The following SH2D3A variants were observed in gnomAD, a reference collection of about 807,000 sequenced individuals.
The protein encoded by SH2D3A is SH2 domain-containing protein 3A.
In SH2D3A, 46 loss-of-function variants were observed where a neutral mutation model predicts 50.6. That is an observed-to-expected ratio of 0.91 (90% confidence interval 0.72 to 1.16). The LOEUF is 1.16. Among genes scored for constraint, SH2D3A ranks in the 50% most tolerant of loss-of-function variants. SH2D3A has a pLI of 0.00. For synonymous variants in SH2D3A, 377 were observed against 348.4 expected (o/e 1.08, Z -0.91); for missense variants, 783 against 786.2 (o/e 1.00, Z 0.05).
chr19:6,754,323 C>T lies in SH2D3A; in HGVS notation c.1200G>A (p.Leu400=). 6.4e-7 allele frequency: 1 copy of T among 1,572,050 alleles called. No individual in the cohort carries two copies. The highest frequency in any genetic ancestry group is 1.1e-5 in the South Asian group (1 of 88,102). The change falls in exon 7 of 10, where the codon CTG becomes CTA. Residue 400 remains leucine, a synonymous_variant. Coordinates refer to ENST00000245908, the MANE Select transcript of SH2D3A (RefSeq NM_005490.3). Reference sequence around the variant, plus strand: ...CCCCCGCCGCCCCTGGCCGCAGCGCCAGCGCCAGCTCTACCAGTCCCCTCA... The same window carrying T: ...CCCCCGCCGCCCCTGGCCGCAGCGCTAGCGCCAGCTCTACCAGTCCCCTCA... ...AALRGLVELA[L]ALRPGAAGDL... is the part of the protein sequence containing the mutation.
intron 2 of SH2D3A, 56 bp from the exon 3 acceptor site, chr19:6,761,043 A>T: frequency 3.7e-5 from 50 of 1,364,836 alleles, no homozygotes; most frequent in Non-Finnish European, 4.9e-5. Flanking sequence ...GGCAGTGGTT[A>T]ATGGTAGCTC....
rs369300186 is a variant in SH2D3A at position 6,753,432 on chromosome 19, G to T, written c.1570+24C>A. The T allele has an allele frequency of 2.1e-4, 304 of 1,476,142 alleles. No individual in the cohort carries two copies. The African/African-American group carries it at 3.7e-3, about 18-fold the overall frequency. The allele number at this position is 1,476,142 out of a possible 1,614,324, so 91.4% of individuals were successfully genotyped here. A position where few individuals can be genotyped will look rare whatever the true frequency, so the allele number is the denominator to read the frequency against. On this transcript the variant is annotated intron_variant, in intron 9 of 9. Transcript: ENST00000245908. ...CCTGCAGGGTGCTCTGAAGTCTGCA[G>T]TCCAGCGCAGAGGGAACGCTCACCT...
chr19:6,764,872 ATTTTT>A (rs55670461), intron 1 of SH2D3A, among the ~76,000 whole-genome samples: 10 of 103,126 alleles, frequency 9.7e-5, no homozygotes, highest in Non-Finnish European at 1.5e-4. Context: ...TACCTGGCTA[ATTTTT>A]TTTTTTTTTT....
At position 6,754,857 on chromosome 19, in the gene SH2D3A, G is replaced by A. The variant is rs1357879899; in HGVS notation, c.955C>T (p.Leu319Phe). 3 of 1,599,322 alleles carry A rather than the reference G, an allele frequency of 1.9e-6. No homozygotes were observed. The highest frequency in any genetic ancestry group is 4.5e-5 in the East Asian group (2 of 44,728). ...TGGCAGTCTACCAATAGCAGGTGAAGGGCGGTGCTCCCAGGATGGTGCTCC... is the reference window on the plus strand; with the variant it reads ...TGGCAGTCTACCAATAGCAGGTGAAAGGCGGTGCTCCCAGGATGGTGCTCC... The part of the protein sequence containing the change: ...FLEHHPGSTA[L>F]HLLLVDCQAT... Residue 319 changes from leucine to phenylalanine, a missense_variant, in exon 5 of 10, where the codon CTT becomes TTT. Physicochemically the swap from Leu to Phe is conservative, Grantham distance 22. Transcript: ENST00000245908.
Position 6,752,767 on chromosome 19 carries a change from C to G in SH2D3A, c.1571-14G>C. On this transcript the variant is annotated splice_polypyrimidine_tract_variant and intron_variant, in intron 9 of 9. Coordinates refer to ENST00000245908, the MANE Select transcript of SH2D3A (RefSeq NM_005490.3). ...TAGGCCGGAATCCTGGAAGCAAGGT[C>G]AGGTGGGCTGGGGGCGGGGCCCAGG... 6.6e-7 allele frequency: 1 copy of G among 1,519,422 alleles called. No homozygotes were observed. Among genetic ancestry groups the G allele is most frequent in the Non-Finnish European group, 8.9e-7 (1 of 1,126,424 alleles). 94.1% of individuals were successfully genotyped at this position (1,519,422 alleles called of 1,614,324 possible). A position where few individuals can be genotyped will look rare whatever the true frequency, so the allele number is the denominator to read the frequency against.
chr19:6,752,896 G>A lies in SH2D3A; in HGVS notation c.1571-143C>T. On this transcript the variant is annotated intron_variant, in intron 9 of 9. Transcript: ENST00000245908. ...CCTGCCCCACCTGCGGGATGACTAG[G>A]CGGGGTCAGAGGGGAGGGGGCTTCC... 3.5e-6 allele frequency: 5 copies of A among 1,408,736 alleles called. 1 individual carries two copies. In the East Asian group the frequency reaches 7.7e-5, roughly 22 times the overall value. The allele number at this position is 1,408,736 out of a possible 1,614,324, so 87.3% of individuals were successfully genotyped here.
chr19:6,760,764 C>G lies in SH2D3A; in HGVS notation c.293G>C (p.Gly98Ala). ...IPALVHSYMT[G>A]RRPLSQATGA... Reference sequence around the variant, plus strand: ...TGTGGCCTGGGACAGTGGGCGCCTGCCTGTCATATAACTGTGAACCAGAGC... The same window carrying G: ...TGTGGCCTGGGACAGTGGGCGCCTGGCTGTCATATAACTGTGAACCAGAGC... The change falls in exon 3 of 10, where the codon GGC (glycine) becomes GCC (alanine). Residue 98 changes from glycine (G) to alanine (A), a missense_variant. Physicochemically the swap from Gly to Ala is moderately conservative, Grantham distance 60. Coordinates refer to ENST00000245908, the MANE Select transcript of SH2D3A (RefSeq NM_005490.3). The G allele has an allele frequency of 1.2e-6, 2 of 1,614,250 alleles. No individual in the cohort carries two copies. Among genetic ancestry groups the G allele is most frequent in the Non-Finnish European group, 1.7e-6 (2 of 1,180,032 alleles).
rs779580562 is a variant in SH2D3A, at chr19:6,752,740, G to A, written c.1584C>T (p.Asn528=). 4 of 1,543,822 alleles carry A rather than the reference G, an allele frequency of 2.6e-6. No individual in the cohort carries two copies. Among genetic ancestry groups the A allele is most frequent in the Non-Finnish European group, 2.6e-6 (3 of 1,141,948 alleles). The change falls in exon 10 of 10, where the codon AAC becomes AAT. Residue 528 remains asparagine (N), a synonymous_variant. Coordinates refer to ENST00000245908, the MANE Select transcript of SH2D3A (RefSeq NM_005490.3). ...AAQRLRGFRP[N]PELREALTTG... ...TGGTCAGGGCCTCCCTCAGCTCCGG[G>A]TTAGGCCGGAATCCTGGAAGCAAGG... is the stretch of plus-strand genomic sequence containing the variant.
intron 4 of SH2D3A, among the ~76,000 whole-genome samples, chr19:6,756,599 A>G (rs186750561): frequency 1.2e-3 from 175 of 152,170 alleles, no homozygotes; most frequent in Middle Eastern, 3.4e-3. Flanking sequence ...AGTTGGTGGC[A>G]TGTTGATCTC....
At position 6,762,476 on chromosome 19, in the gene SH2D3A, T is replaced by G. The variant is rs183832303; in HGVS notation, c.69+1204A>C. ...CTAGGATTACAGGCATGAGTCACCATGCCCGGCCCATTTTTTTCTTCCGGC... is the reference window on the plus strand; with the variant it reads ...CTAGGATTACAGGCATGAGTCACCAGGCCCGGCCCATTTTTTTCTTCCGGC... On this transcript the variant is annotated intron_variant, in intron 2 of 9. Transcript: ENST00000245908. Among the ~76,000 whole-genome samples the G allele has an allele frequency of 2.0e-5, 3 of 150,652 alleles. No individual in the cohort carries two copies. In the East Asian group the frequency reaches 5.9e-4, roughly 30 times the overall value.
Position 6,752,814 on chromosome 19 carries a change from C to T in SH2D3A, c.1571-61G>A, listed in dbSNP as rs1969394263. 15 of 1,447,588 alleles carry T rather than the reference C, an allele frequency of 1.0e-5. No individual in the cohort carries two copies. The South Asian group carries it at 2.1e-4, about 20-fold the overall frequency. 89.7% of individuals were successfully genotyped at this position (1,447,588 alleles called of 1,614,324 possible). Reference sequence around the variant, plus strand: ...CAGGCGCCCGCCTCGCCCCTCCCAACCTCCCGGCACCTTCCTTTCCCCAGA... The same window carrying T: ...CAGGCGCCCGCCTCGCCCCTCCCAATCTCCCGGCACCTTCCTTTCCCCAGA... On this transcript the variant is annotated intron_variant, in intron 9 of 9. Coordinates refer to ENST00000245908, the MANE Select transcript of SH2D3A (RefSeq NM_005490.3).
At chr19:6,759,520 C>G (rs1248783057) in intron 4 of SH2D3A, 74 bp downstream of exon 4, 1 of 1,389,080 alleles carries the variant, frequency 7.2e-7, no homozygotes, top group Non-Finnish European at 1.0e-6. Flanking sequence ...GGTGCCTGCA[C>G]CTGACCAAGA....
Position 6,752,573 on chromosome 19 carries a change from G to T in SH2D3A, c.*20C>A. 6.6e-7 allele frequency: 1 copy of T among 1,519,880 alleles called. No homozygotes were observed. The highest frequency in any genetic ancestry group is 8.9e-7 in the Non-Finnish European group (1 of 1,129,792). The allele number at this position is 1,519,880 out of a possible 1,614,324, so 94.1% of individuals were successfully genotyped here. On this transcript the variant is annotated 3_prime_UTR_variant, in exon 10 of 10. Coordinates refer to ENST00000245908, the MANE Select transcript of SH2D3A (RefSeq NM_005490.3). ...GCAAAAACCTGGGGGTCCCGGGTGT[G>T]AAGAAGGGTGTCTGCGCTCTCAGCG...
intron 4 of SH2D3A, among the ~76,000 whole-genome samples, chr19:6,756,471 A>G (rs2145588333): frequency 6.6e-6 from 1 of 151,462 alleles, no homozygotes; most frequent in East Asian, 1.9e-4. Flanking sequence ...AAAAAAAAAG[A>G]TACATGTGCA....
chr19:6,755,691 A>G (rs542901930), intron 4 of SH2D3A, among the ~76,000 whole-genome samples: 3 of 151,956 alleles, frequency 2.0e-5, no homozygotes, highest in East Asian at 1.9e-4. Flanking sequence ...GCCTGACCCT[A>G]TGAATTCTGA....
intron 9 of SH2D3A, 85 bp from the exon 10 acceptor site, chr19:6,752,838 G>A (rs1005512310): frequency 2.4e-5 from 34 of 1,435,558 alleles, no homozygotes; most frequent in South Asian, 1.0e-4. Flanking sequence ...CCTTTCCCCA[G>A]AGGACTTTGA....
intron 1 of SH2D3A, chr19:6,764,486 A>G (rs1970197685): frequency 6.6e-6 from 1 of 152,188 alleles, no homozygotes; most frequent in Non-Finnish European, 1.5e-5. Flanking sequence ...GAATTCACTG[A>G]ACCCCTATTT....
At chr19:6,753,318 G>A in intron 9 of SH2D3A, 138 bp downstream of exon 9, 1 of 1,398,858 alleles carries the variant, frequency 7.1e-7, no homozygotes, top group Non-Finnish European at 9.3e-7. Flanking sequence ...TTCCTGGAGT[G>A]GAGCCGTCCC....
intron 4 of SH2D3A, chr19:6,757,478 C>G (rs1969762333): frequency 6.6e-6 from 1 of 152,072 alleles, no homozygotes; most frequent in African/African-American, 2.4e-5. Context: ...ACACCACACC[C>G]AGCTACCCAC....
Sources: allele counts gnomAD v4.1 joint callset (sites outside exome capture counted in the v4.1 genomes callset), GRCh38; gene constraint gnomAD v4.1.1; transcripts MANE v1.5; gene names NCBI Gene and HGNC (gene_info 2026-07-23, HGNC 2026-07-21).